The following ZNF714 variants were observed in gnomAD, a reference collection of about 807,000 sequenced individuals.
ZNF714 encodes zinc finger protein 714.
A neutral mutation model predicts 46.2 loss-of-function variants in ZNF714; 32 were observed. That is an observed-to-expected ratio of 0.69 (90% confidence interval 0.52 to 0.93). The LOEUF (loss-of-function observed/expected upper bound fraction) is 0.93. Ranked by LOEUF, ZNF714 falls within the 40% of genes least tolerant of loss-of-function variation. ZNF714 has a pLI of 0.00. For missense variants in ZNF714, 635 were observed against 646.3 expected (o/e 0.98, Z 0.19); for synonymous variants, 199 against 213.1 (o/e 0.93, Z 0.58).
chr19:21,088,393 T>C (rs944281944), intron 2 of ZNF714, among the ~76,000 whole-genome samples: 4 of 152,182 alleles, frequency 2.6e-5, no homozygotes, highest in African/African-American at 7.2e-5. Context: ...GGGGCATGGC[T>C]AATTCCATAT....
At chr19:21,086,202 G>A (rs1050997238) in intron 2 of ZNF714, among the ~76,000 whole-genome samples, 2 of 152,138 alleles carry the variant, frequency 1.3e-5, no homozygotes, top group African/African-American at 2.4e-5. Flanking sequence ...AAATTCAGCT[G>A]AATCTTTTAA....
chr19:21,116,537 T>G (rs2144880080), intron 4 of ZNF714, among the ~76,000 whole-genome samples: 1 of 152,284 alleles, frequency 6.6e-6, no homozygotes. Flanking sequence ...GCAAAGGTAA[T>G]GGACTTTTCT....
chr19:21,102,260 G>A (rs1407397330), intron 4 of ZNF714, among the ~76,000 whole-genome samples: 4 of 151,870 alleles, frequency 2.6e-5, no homozygotes, highest in Non-Finnish European at 4.4e-5. Context: ...TTTTAGATTT[G>A]GACATTTAGG....
In ZNF714 at chr19:21,093,423, G is replaced by A. The variant is rs1208082539; in HGVS notation, c.-84-4762G>A. Among the ~76,000 whole-genome samples, 4 of 150,560 alleles carry A rather than the reference G, an allele frequency of 2.7e-5. No homozygotes were observed. The East Asian group carries it at 7.9e-4, about 30-fold the overall frequency. Reference sequence around the variant, plus strand: ...AATTTTATATTTTTAGTAGAGATGGGGTTTCACCATGTTGCCCAGGCTGGT... The same window carrying A: ...AATTTTATATTTTTAGTAGAGATGGAGTTTCACCATGTTGCCCAGGCTGGT... On this transcript the variant is annotated intron_variant, in intron 2 of 4. Transcript: ENST00000456283.
rs144995791 is a variant in ZNF714 at position 21,118,189 on chromosome 19, C to T, written c.1525C>T (p.His509Tyr). ...GAAAATTCAGCAGGGCATGGTGGCT[C>T]ATGCCTGTAATCCCAACACTTTGAG... The part of the protein sequence containing the change: ...HRKIQQGMVA[H>Y]ACNPNTLRGL... Residue 509 changes from histidine (H) to tyrosine (Y), a missense_variant, in exon 5 of 5, where the codon CAT becomes TAT. Transcript: ENST00000456283. The T allele has an allele frequency of 7.2e-4, 1,164 of 1,608,886 alleles. 1 individual carries two copies. Among genetic ancestry groups the T allele is most frequent in the Middle Eastern group, 4.8e-3 (29 of 6,050 alleles).
intron 2 of ZNF714, among the ~76,000 whole-genome samples, chr19:21,094,731 T>A (rs903190085): frequency 3.3e-5 from 5 of 152,218 alleles, no homozygotes; most frequent in Admixed American, 6.5e-5. Context: ...TTCTCCATAT[T>A]GGCCAGGCTG....
intron 4 of ZNF714, among the ~76,000 whole-genome samples, chr19:21,106,771 GT>G (rs1230682072): frequency 6.6e-6 from 1 of 151,886 alleles, no homozygotes; most frequent in African/African-American, 2.4e-5. Context: ...TCTTTCATCT[GT>G]TTATCTGCCT....
chr19:21,111,628 G>T (rs1246428492), intron 4 of ZNF714, among the ~76,000 whole-genome samples: 1 of 152,108 alleles, frequency 6.6e-6, no homozygotes, highest in African/African-American at 2.4e-5. Flanking sequence ...TGTTAAATAG[G>T]AGTGGTGAGA....
intron 4 of ZNF714, among the ~76,000 whole-genome samples, chr19:21,103,998 A>G (rs1969251558): frequency 6.6e-6 from 1 of 152,186 alleles, no homozygotes; most frequent in Non-Finnish European, 1.5e-5. Context: ...GTACCCATTT[A>G]AGTAACAAGA....
At chr19:21,112,146 G>T (rs1029082387) in intron 4 of ZNF714, among the ~76,000 whole-genome samples, 3 of 152,116 alleles carry the variant, frequency 2.0e-5, no homozygotes, top group African/African-American at 7.2e-5. Flanking sequence ...CTATCATTTG[G>T]AATAGTTTCA....
At position 21,117,039 on chromosome 19, in the gene ZNF714, C is replaced by A; in HGVS notation, c.375C>A (p.Val125=). The A allele has an allele frequency of 6.2e-7, 1 of 1,613,104 alleles. No homozygotes were observed. Among genetic ancestry groups the A allele is most frequent in the South Asian group, 1.1e-5 (1 of 90,926 alleles). Residue 125 remains valine, a synonymous_variant, in exon 5 of 5, where the codon GTC becomes GTA. Coordinates refer to ENST00000456283, the MANE Select transcript of ZNF714 (RefSeq NM_182515.4). The part of the protein sequence containing the change: ...KIFPCDKYIK[V]FHKIFNSNRH... ...TTCCATGTGATAAATATATAAAAGT[C>A]TTTCATAAAATTTTCAATTCAAATA...
chr19:21,083,130 C>T (rs1474118917), intron 1 of ZNF714, among the ~76,000 whole-genome samples: 1 of 151,958 alleles, frequency 6.6e-6, no homozygotes, highest in African/African-American at 2.4e-5. Context: ...CTCTGCCTCC[C>T]GGGTTCAAGC....
chr19:21,104,045 C>T (rs923173301), intron 4 of ZNF714, among the ~76,000 whole-genome samples: 2 of 151,850 alleles, frequency 1.3e-5, no homozygotes, highest in East Asian at 1.9e-4. Context: ...TGACAAACAC[C>T]GTTCCACTTT....
At position 21,117,343 on chromosome 19, in the gene ZNF714, A is replaced by G. The variant is rs1969621029; in HGVS notation, c.679A>G (p.Lys227Glu). 6.2e-7 allele frequency: 1 copy of G among 1,612,438 alleles called. No homozygotes were observed. The highest frequency in any genetic ancestry group is 8.5e-7 in the Non-Finnish European group (1 of 1,178,726). Residue 227 changes from lysine to glutamate, a missense_variant, in exon 5 of 5, where the codon AAA becomes GAA. Coordinates refer to ENST00000456283, the MANE Select transcript of ZNF714 (RefSeq NM_182515.4). ...ACATAAGATGATTCATACTGGAGAG[A>G]AACCCTACAGATGTGAAGAATGTGG... ...TTHKMIHTGE[K>E]PYRCEECGKA... is the part of the protein sequence containing the mutation.
intron 4 of ZNF714, among the ~76,000 whole-genome samples, chr19:21,101,267 G>A (rs1158217987): frequency 6.6e-6 from 1 of 152,108 alleles, no homozygotes; most frequent in Non-Finnish European, 1.5e-5. Context: ...GGTTTCAGGA[G>A]GTAAAGATCT....
chr19:21,114,342 G>A (rs1179510267), intron 4 of ZNF714, among the ~76,000 whole-genome samples: 5 of 151,512 alleles, frequency 3.3e-5, no homozygotes, highest in East Asian at 1.9e-4. Context: ...AGGCTGAGGC[G>A]GGAGAATGAC....
At chr19:21,087,269 T>G (rs1968806886) in intron 2 of ZNF714, among the ~76,000 whole-genome samples, 2 of 150,312 alleles carry the variant, frequency 1.3e-5, no homozygotes, top group Admixed American at 1.3e-4. Flanking sequence ...GGAAATTTGG[T>G]TAGCTCTGTG....
At chr19:21,097,612 A>C (rs1316669412) in intron 2 of ZNF714, among the ~76,000 whole-genome samples, 1 of 152,106 alleles carries the variant, frequency 6.6e-6, no homozygotes, top group Admixed American at 6.5e-5. Flanking sequence ...GTCTTTGGAA[A>C]ATGAAGGCTC....
chr19:21,094,930 C>A (rs1969001855), intron 2 of ZNF714, among the ~76,000 whole-genome samples: 1 of 152,094 alleles, frequency 6.6e-6, no homozygotes, highest in African/African-American at 2.4e-5. Context: ...TTTGCACATG[C>A]TTGTTAGCCA....
Sources: gnomAD v4.1 joint callset for allele counts (sites outside exome capture counted in the v4.1 genomes callset) on GRCh38, gnomAD v4.1.1 for gene constraint, MANE v1.5 for transcripts, NCBI Gene and HGNC (gene_info 2026-07-23, HGNC 2026-07-21) for gene names.